Variants in EFL1 observed in about 807,000 individuals in gnomAD.
The protein encoded by EFL1 is elongation factor-like GTPase 1.
In EFL1, 76 loss-of-function variants were observed where a neutral mutation model predicts 126.7. That is an observed-to-expected ratio of 0.60 (90% CI 0.50 to 0.73). EFL1 has a LOEUF of 0.73. EFL1 is among the 30% of genes least tolerant of loss of function. The pLI is 0.00. For synonymous variants in EFL1, 410 were observed against 448.4 expected, an observed-to-expected ratio of 0.91 and a Z score of 1.08; for missense variants, 1,128 against 1,343.2, an observed-to-expected ratio of 0.84 and a Z score of 2.50.
intron 1 of EFL1, chr15:82,262,285 G>C (rs1041481998): frequency 6.4e-6 from 1 of 155,328 alleles, no homozygotes; most frequent in Non-Finnish European, 1.4e-5. Flanking sequence ...CATGGAGCCC[G>C]AACAAAGTTT....
intron 15 of EFL1, among the ~76,000 whole-genome samples, chr15:82,206,559 T>A (rs750551338): frequency 3.2e-4 from 48 of 152,126 alleles, no homozygotes; most frequent in Non-Finnish European, 6.2e-4. Flanking sequence ...AAGAAGATAA[T>A]CACTTCCGAA....
At chr15:82,228,406 A>T in intron 9 of EFL1, 79 bp from the exon 10 acceptor site, 1 of 1,493,296 alleles carries the variant, frequency 6.7e-7, no homozygotes, top group Non-Finnish European at 8.9e-7. Context: ...ATTATTTGGC[A>T]TATTTTTACC....
chr15:82,229,763 A>G (rs767714852), intron 8 of EFL1, among the ~76,000 whole-genome samples: 1 of 152,272 alleles, frequency 6.6e-6, no homozygotes, highest in African/African-American at 2.4e-5. Flanking sequence ...GATGTCTATC[A>G]TAACTCTACA....
At position 82,219,913 on chromosome 15, in the gene EFL1, G is replaced by T. The variant is rs185496900; in HGVS notation, c.1445-95C>A. 6.7e-6 allele frequency: 10 copies of T among 1,492,116 alleles called. No homozygotes were observed. The Admixed American group carries it at 2.4e-4, about 35-fold the overall frequency. 92.4% of individuals were successfully genotyped at this position (1,492,116 alleles called of 1,614,324 possible). ...AGGAGGAGTGAATATGATATCTTTC[G>T]TCAAGTTTCAGGAAAAAAAAGAAAA... On this transcript the variant is annotated intron_variant, in intron 13 of 19. Coordinates refer to ENST00000268206, the MANE Select transcript of EFL1 (RefSeq NM_024580.6).
chr15:82,223,611 C>A (rs1356601714), intron 12 of EFL1, among the ~76,000 whole-genome samples: 4 of 152,166 alleles, frequency 2.6e-5, no homozygotes, highest in Non-Finnish European at 5.9e-5. Flanking sequence ...TATTTCAAAT[C>A]TTAACAGCAA....
intron 12 of EFL1, among the ~76,000 whole-genome samples, chr15:82,220,946 A>G (rs1330780874): frequency 6.6e-6 from 1 of 152,182 alleles, no homozygotes; most frequent in African/African-American, 2.4e-5. Flanking sequence ...GAAGGTAGAA[A>G]CCAGGCCGGT....
chr15:82,204,338 C>A (rs1019704196), intron 15 of EFL1, among the ~76,000 whole-genome samples: 7 of 152,086 alleles, frequency 4.6e-5, no homozygotes, highest in African/African-American at 1.4e-4. Context: ...TCACCTTTCC[C>A]CCAAGCTATC....
chr15:82,243,676 T>C (rs943383869), intron 4 of EFL1, among the ~76,000 whole-genome samples: 2 of 79,656 alleles, frequency 2.5e-5, no homozygotes, highest in Non-Finnish European at 5.5e-5. Context: ...TCAGGCTTCC[T>C]ATACAACAGT....
intron 15 of EFL1, among the ~76,000 whole-genome samples, chr15:82,172,362 A>AC (rs1228479354): frequency 1.3e-5 from 2 of 152,218 alleles, no homozygotes; most frequent in Admixed American, 1.3e-4. Flanking sequence ...ACAATTGTGT[A>AC]CCAACAGCAC....
chr15:82,178,513 G>A (rs2074217542), intron 15 of EFL1, among the ~76,000 whole-genome samples: 1 of 152,196 alleles, frequency 6.6e-6, no homozygotes, highest in Admixed American at 6.5e-5. Context: ...GCATTGTGGT[G>A]ACCCAATGTC....
At chr15:82,172,725 G>A (rs146087332) in intron 15 of EFL1, among the ~76,000 whole-genome samples, 36 of 152,270 alleles carry the variant, frequency 2.4e-4, no homozygotes, top group Admixed American at 1.8e-3. Flanking sequence ...CACTCATGGC[G>A]TATGAGTCAT....
intron 18 of EFL1, among the ~76,000 whole-genome samples, chr15:82,140,171 G>C (rs1209682247): frequency 6.6e-6 from 1 of 152,128 alleles, no homozygotes; most frequent in East Asian, 1.9e-4. Flanking sequence ...TCCCCAGCTA[G>C]CTACTACATT....
At chr15:82,230,609 AAAAG>A (rs922974086) in intron 8 of EFL1, among the ~76,000 whole-genome samples, 3 of 152,136 alleles carry the variant, frequency 2.0e-5, no homozygotes, top group Admixed American at 6.5e-5. Context: ...AAAAAAAAAG[AAAAG>A]AAAGAAAAGA....
chr15:82,222,190 T>C (rs893658426), intron 12 of EFL1, among the ~76,000 whole-genome samples: 1 of 152,228 alleles, frequency 6.6e-6, no homozygotes, highest in African/African-American at 2.4e-5. Context: ...ACTTTACATA[T>C]ATTATAGCAC....
intron 14 of EFL1, among the ~76,000 whole-genome samples, chr15:82,218,229 C>T (rs116892399): frequency 0.012 from 1,874 of 152,190 alleles, 18 homozygotes; most frequent in Non-Finnish European, 0.018. Context: ...CTGTAATATG[C>T]AGTAGCAGAA....
At chr15:82,185,349 G>A (rs182269818) in intron 15 of EFL1, among the ~76,000 whole-genome samples, 2 of 149,000 alleles carry the variant, frequency 1.3e-5, no homozygotes, top group Non-Finnish European at 1.5e-5. Flanking sequence ...TGACACATAT[G>A]TGTGACTATT....
Position 82,192,882 on chromosome 15 carries a change from G to A in EFL1, c.1750+21835C>T, listed in dbSNP as rs548827485. ...AAGAAAGAAAGAGGTAGGAAAAAAA[G>A]TACAAAAGCACCTGTGAGAGGGGAG... On this transcript the variant is annotated intron_variant, in intron 15 of 19. Coordinates refer to ENST00000268206, the MANE Select transcript of EFL1 (RefSeq NM_024580.6). Among the ~76,000 whole-genome samples, 719 of 152,260 alleles carry A rather than the reference G, an allele frequency of 4.7e-3. 4 individuals carry two copies. The highest frequency in any genetic ancestry group is 7.4e-3 in the Non-Finnish European group (500 of 68,016).
At chr15:82,138,455 T>TGC (rs966303148) in intron 19 of EFL1, among the ~76,000 whole-genome samples, 1 of 151,908 alleles carries the variant, frequency 6.6e-6, no homozygotes, top group Non-Finnish European at 1.5e-5. Flanking sequence ...TGTGTGTGTG[T>TGC]GTGTTTATTA....
At position 82,202,891 on chromosome 15, in the gene EFL1, A is replaced by T. The variant is rs185563401; in HGVS notation, c.1750+11826T>A. Among the ~76,000 whole-genome samples, 1,428 of 150,620 alleles carry T rather than the reference A, an allele frequency of 9.5e-3. 20 individuals carry two copies. The highest frequency in any genetic ancestry group is 0.033 in the African/African-American group (1,331 of 40,836). On this transcript the variant is annotated intron_variant, in intron 15 of 19. Coordinates refer to ENST00000268206, the MANE Select transcript of EFL1 (RefSeq NM_024580.6). Reference sequence around the variant, plus strand: ...CAATGGTGCGATCTCAGTTCACTGTAACCTCCGCCTCCCGGTTTCAAGTGA... The same window carrying T: ...CAATGGTGCGATCTCAGTTCACTGTTACCTCCGCCTCCCGGTTTCAAGTGA...
Sources: allele counts gnomAD v4.1 joint callset (sites outside exome capture counted in the v4.1 genomes callset), GRCh38; gene constraint gnomAD v4.1.1; transcripts MANE v1.5; gene names NCBI Gene and HGNC (gene_info 2026-07-23, HGNC 2026-07-21).